FTO: variants seen among roughly 807,000 people sequenced by gnomAD.
The protein encoded by FTO is alpha-ketoglutarate-dependent dioxygenase FTO.
In FTO, 47 loss-of-function variants were observed where a neutral mutation model predicts 63.9. The ratio of observed to expected loss-of-function variants is 0.74; its 90% CI spans 0.58 to 0.94. FTO has a LOEUF of 0.94. Among genes scored for constraint, FTO ranks in the 40% least tolerant of loss-of-function variants. The probability of loss-of-function intolerance (pLI) is 0.00; values close to 1 mark genes in which losing one functional copy is unlikely to be tolerated. For missense variants in FTO, 562 were observed against 618.1 expected, an observed-to-expected ratio of 0.91 and a Z score of 0.96; for synonymous variants, 207 against 224.4, an observed-to-expected ratio of 0.92 and a Z score of 0.69.
At chr16:53,930,502 C>A (rs986704280) in intron 7 of FTO, among the ~76,000 whole-genome samples, 13 of 152,118 alleles carry the variant, frequency 8.5e-5, no homozygotes, top group Admixed American at 7.2e-4. Context: ...GGATTACAGG[C>A]CTGAGCCACC....
chr16:53,708,791 CAT>C lies in FTO; in HGVS notation c.45+4563_45+4564del, dbSNP rs200549434. ...TGGGTAATAATGTTATGCATCTTCT[CAT>C]GTGCTTATTGGACATGTGTATATCT... On this transcript the variant is annotated intron_variant, in intron 1 of 8. Coordinates refer to ENST00000471389, the MANE Select transcript of FTO (RefSeq NM_001080432.3). 8.6e-4 allele frequency among the ~76,000 whole-genome samples: 131 copies of C among 152,312 alleles called. 1 individual carries two copies. In the East Asian group the frequency reaches 0.024, roughly 28 times the overall value.
intron 1 of FTO, among the ~76,000 whole-genome samples, chr16:53,746,667 AG>A (rs1474653952): frequency 6.6e-6 from 1 of 152,212 alleles, no homozygotes; most frequent in Non-Finnish European, 1.5e-5. Context: ...CATATATATC[AG>A]GTCAAATACT....
intron 8 of FTO, among the ~76,000 whole-genome samples, chr16:54,055,571 C>G (rs2085413239): frequency 6.6e-6 from 1 of 152,134 alleles, no homozygotes; most frequent in South Asian, 2.1e-4. Flanking sequence ...TTAATCCCCT[C>G]GGCTGAGTGT....
At chr16:53,847,369 T>C (rs1004558546) in intron 4 of FTO, among the ~76,000 whole-genome samples, 8 of 152,210 alleles carry the variant, frequency 5.3e-5, no homozygotes, top group African/African-American at 1.7e-4. Flanking sequence ...CCTCACCTAA[T>C]GGCTTTAAGA....
At chr16:53,845,205 C>T (rs956758606) in intron 4 of FTO, among the ~76,000 whole-genome samples, 17 of 152,244 alleles carry the variant, frequency 1.1e-4, no homozygotes, top group African/African-American at 4.1e-4. Flanking sequence ...GCTCTTGTTC[C>T]TGATTATTTG....
intron 3 of FTO, among the ~76,000 whole-genome samples, chr16:53,835,639 T>A (rs12596296): frequency 0.19 from 29,333 of 152,126 alleles, 3,076 homozygotes; most frequent in East Asian, 0.4. Context: ...TTCACAGTGA[T>A]ATTTTTCACT....
chr16:53,933,673 A>G (rs1411110300), intron 7 of FTO, among the ~76,000 whole-genome samples: 1 of 152,226 alleles, frequency 6.6e-6, no homozygotes, highest in East Asian at 1.9e-4. Flanking sequence ...CATTTCTAAT[A>G]ATAGCTCATG....
chr16:53,920,542 A>G (rs1487279748), intron 7 of FTO, among the ~76,000 whole-genome samples: 2 of 152,128 alleles, frequency 1.3e-5, no homozygotes, highest in Non-Finnish European at 2.9e-5. Flanking sequence ...ATTTTCCCAA[A>G]TCTTTCATTT....
intron 1 of FTO, among the ~76,000 whole-genome samples, chr16:53,763,812 A>G (rs1598601921): frequency 6.6e-6 from 1 of 152,180 alleles, no homozygotes; most frequent in African/African-American, 2.4e-5. Flanking sequence ...TAGTCTAAGG[A>G]CCCAGTATTA....
chr16:53,763,566 A>G (rs1280369640), intron 1 of FTO, among the ~76,000 whole-genome samples: 1 of 152,120 alleles, frequency 6.6e-6, no homozygotes, highest in Non-Finnish European at 1.5e-5. Flanking sequence ...AGTACCCTGG[A>G]TGTTTGCTAT....
intron 7 of FTO, among the ~76,000 whole-genome samples, chr16:53,926,786 A>C (rs978448402): frequency 3.3e-5 from 5 of 152,214 alleles, no homozygotes; most frequent in South Asian, 2.1e-4. Flanking sequence ...AGAAGATAAA[A>C]TATGAGAAGT....
At chr16:53,883,004 G>A (rs186633499) in intron 6 of FTO, among the ~76,000 whole-genome samples, 3 of 152,224 alleles carry the variant, frequency 2.0e-5, no homozygotes, top group Admixed American at 2.0e-4. Context: ...CCCTGCTGGA[G>A]ACATTGCTGA....
chr16:53,758,527 C>T (rs7184874), intron 1 of FTO, among the ~76,000 whole-genome samples: 62,252 of 152,018 alleles, frequency 0.41, 13,472 homozygotes, highest in Middle Eastern at 0.56. Flanking sequence ...TCTTAAAAGA[C>T]GGCCAGGTTT....
At chr16:53,827,889 A>G (rs1027724145) in intron 3 of FTO, among the ~76,000 whole-genome samples, 1 of 152,212 alleles carries the variant, frequency 6.6e-6, no homozygotes, top group African/African-American at 2.4e-5. Context: ...TTTCTTTCTT[A>G]AGGAGACAAC....
At chr16:53,871,244 G>T (rs8044353) in intron 4 of FTO, among the ~76,000 whole-genome samples, 2 of 151,972 alleles carry the variant, frequency 1.3e-5, no homozygotes, top group African/African-American at 4.8e-5. Context: ...AAAAATGTGT[G>T]TGTTTTTGTC....
At chr16:54,024,929 C>T (rs532861184) in intron 8 of FTO, among the ~76,000 whole-genome samples, 13 of 152,152 alleles carry the variant, frequency 8.5e-5, no homozygotes, top group Admixed American at 3.3e-4. Context: ...TAATCAGTAA[C>T]TTCTGTATTT....
chr16:53,714,693 A>C (rs1428740245), intron 1 of FTO, among the ~76,000 whole-genome samples: 1 of 152,136 alleles, frequency 6.6e-6, no homozygotes, highest in Non-Finnish European at 1.5e-5. Flanking sequence ...TTTTTGTTTT[A>C]GTTACATTAT....
intron 1 of FTO, among the ~76,000 whole-genome samples, chr16:53,790,952 A>C (rs568231714): frequency 6.6e-6 from 1 of 152,194 alleles, no homozygotes; most frequent in Non-Finnish European, 1.5e-5. Context: ...AAGACCTGAA[A>C]CAGAGACAGA....
intron 8 of FTO, among the ~76,000 whole-genome samples, chr16:54,074,872 G>C (rs1300939323): frequency 6.7e-6 from 1 of 149,398 alleles, no homozygotes; most frequent in African/African-American, 2.5e-5. Context: ...TTTTTCTGTA[G>C]CTTTAACCAG....
Sources: gnomAD v4.1 joint callset for allele counts (sites outside exome capture counted in the v4.1 genomes callset) on GRCh38, gnomAD v4.1.1 for gene constraint, MANE v1.5 for transcripts, NCBI Gene and HGNC (gene_info 2026-07-23, HGNC 2026-07-21) for gene names.